Variants in ADAM10 observed in about 807,000 individuals in gnomAD.
ADAM10 encodes the protein ADAM metallopeptidase domain 10.
ADAM10 carries 17 observed loss-of-function variants against 90.1 expected under a neutral mutation model. That is an observed-to-expected ratio of 0.19 (90% CI 0.13 to 0.28). The LOEUF is 0.28. ADAM10 is among the 10% of genes least tolerant of loss of function. ADAM10 has a pLI of 1.00. For synonymous variants in ADAM10, 310 were observed against 298.6 expected, an observed-to-expected ratio of 1.04 and a Z score of -0.40; for missense variants, 610 against 914.3, an observed-to-expected ratio of 0.67 and a Z score of 4.29.
At chr15:58,714,336 G>A (rs1898583959) in intron 2 of ADAM10, among the ~76,000 whole-genome samples, 1 of 139,258 alleles carries the variant, frequency 7.2e-6, no homozygotes, top group African/African-American at 3.0e-5. Flanking sequence ...CAGAAGCTGT[G>A]CTACTACCCA....
At chr15:58,673,116 G>A (rs1016360606) in intron 4 of ADAM10, among the ~76,000 whole-genome samples, 4 of 152,074 alleles carry the variant, frequency 2.6e-5, no homozygotes, top group Non-Finnish European at 5.9e-5. Flanking sequence ...ACAGTCAGTT[G>A]ATGAGAGAGC....
At chr15:58,717,779 T>C (rs747705427) in intron 1 of ADAM10, 52 bp from the exon 2 acceptor site, 5 of 1,581,750 alleles carry the variant, frequency 3.2e-6, no homozygotes, top group African/African-American at 2.7e-5. Context: ...AGACCCCTTC[T>C]AGTTCTAACA....
rs1894866755 is a variant in ADAM10 at position 58,593,180 on chromosome 15, TTTTTTTTTTTTTTTTTTG to T, written c.*4349_*4366del. 1.5e-5 allele frequency: 1 copy of T among 65,878 alleles called. No individual in the cohort carries two copies. Among genetic ancestry groups the T allele is most frequent in the Non-Finnish European group, 3.0e-5 (1 of 33,048 alleles). The allele number at this position is 65,878 out of a possible 1,614,324, so 4.1% of individuals were successfully genotyped here. A position where few individuals can be genotyped will look rare whatever the true frequency, so the allele number is the denominator to read the frequency against. Reference sequence around the variant, plus strand: ...TTTTTTTTTTTTTTTTTTTTTTTTTTTTTTTTTTTTTTTTTTTGAGACAGAGTCTCGCTCTGTCACCCA... The same window carrying T: ...TTTTTTTTTTTTTTTTTTTTTTTTTTAGACAGAGTCTCGCTCTGTCACCCA... On this transcript the variant is annotated 3_prime_UTR_variant, in exon 16 of 16. Coordinates refer to ENST00000260408, the MANE Select transcript of ADAM10 (RefSeq NM_001110.4).
chr15:58,731,389 C>T (rs528474045), intron 1 of ADAM10, among the ~76,000 whole-genome samples: 5 of 151,996 alleles, frequency 3.3e-5, no homozygotes, highest in Admixed American at 2.0e-4. Context: ...GGGGCCGAGG[C>T]GGGCAGATCG....
At chr15:58,725,001 G>A (rs1267239030) in intron 1 of ADAM10, among the ~76,000 whole-genome samples, 2 of 151,536 alleles carry the variant, frequency 1.3e-5, no homozygotes, top group Non-Finnish European at 2.9e-5. Context: ...GACGAGCCTG[G>A]GCAACATGAC....
intron 1 of ADAM10, among the ~76,000 whole-genome samples, chr15:58,717,992 A>G (rs1264515937): frequency 6.6e-6 from 1 of 152,054 alleles, no homozygotes; most frequent in Admixed American, 6.6e-5. Flanking sequence ...TTCTATTCAC[A>G]TTTTGCTGAT....
rs142448889 is a variant in ADAM10, at chr15:58,727,581, C to T, written c.56-9854G>A. Among the ~76,000 whole-genome samples the T allele has an allele frequency of 8.9e-4, 135 of 152,274 alleles. 2 individuals carry two copies. The East Asian group carries it at 0.022, about 25-fold the overall frequency. On this transcript the variant is annotated intron_variant, in intron 1 of 15. Coordinates refer to ENST00000260408, the MANE Select transcript of ADAM10 (RefSeq NM_001110.4). ...ACCTGGTATTAAGTAATCCTACTGG[C>T]TTGGCCTCCCGAAGTTCTGGGATTA...
intron 10 of ADAM10, among the ~76,000 whole-genome samples, chr15:58,624,372 GTAA>G (rs1395224377): frequency 6.6e-6 from 1 of 152,070 alleles, no homozygotes; most frequent in Admixed American, 6.5e-5. Context: ...TACAAGTCTA[GTAA>G]TAATTTTATA....
chr15:58,595,006 T>G lies in ADAM10; in HGVS notation c.*2541A>C, dbSNP rs1401191525. The G allele has an allele frequency of 1.3e-5, 2 of 152,178 alleles. No individual in the cohort carries two copies. The highest frequency in any genetic ancestry group is 2.9e-5 in the Non-Finnish European group (2 of 68,006). The allele number at this position is 152,178 out of a possible 1,614,324, so 9.4% of individuals were successfully genotyped here. The stretch of plus-strand genomic sequence containing the variant: ...ATGTCAATTCTCTCCTTATTTGCTA[T>G]GAAGAGAAAAATGATGGCTCAAAAT... On this transcript the variant is annotated 3_prime_UTR_variant, in exon 16 of 16. Transcript: ENST00000260408.
At chr15:58,663,343 G>C (rs1353682483) in intron 5 of ADAM10, among the ~76,000 whole-genome samples, 1 of 152,086 alleles carries the variant, frequency 6.6e-6, no homozygotes, top group African/African-American at 2.4e-5. Flanking sequence ...ACTAATTTGA[G>C]ATTGCATCTC....
At chr15:58,624,627 G>A (rs909488471) in intron 10 of ADAM10, among the ~76,000 whole-genome samples, 3 of 152,134 alleles carry the variant, frequency 2.0e-5, no homozygotes, top group Admixed American at 6.5e-5. Flanking sequence ...CAACTCCTGG[G>A]TTCAAGCAAT....
intron 4 of ADAM10, chr15:58,676,005 A>G: frequency 5.5e-6 from 1 of 180,896 alleles, no homozygotes; most frequent in Non-Finnish European, 1.2e-5. Context: ...ACTTAAACCA[A>G]TTATATAAAA....
intron 2 of ADAM10, among the ~76,000 whole-genome samples, chr15:58,701,028 A>C (rs1456474037): frequency 6.6e-6 from 1 of 151,296 alleles, no homozygotes; most frequent in Non-Finnish European, 1.5e-5. Flanking sequence ...AAAACAAAAA[A>C]AAAAAAACAG....
chr15:58,735,132 A>G (rs1217897971), intron 1 of ADAM10, among the ~76,000 whole-genome samples: 3 of 152,210 alleles, frequency 2.0e-5, no homozygotes, highest in African/African-American at 7.2e-5. Flanking sequence ...CTCTATCTGA[A>G]CACAGCTTGG....
chr15:58,691,700 T>A (rs1897809621), intron 2 of ADAM10: 1 of 334,514 alleles, frequency 3.0e-6, no homozygotes. Flanking sequence ...TTTTTTTTTT[T>A]TGAGACAGAG....
Position 58,595,664 on chromosome 15 carries a change from T to A in ADAM10, c.*1883A>T, listed in dbSNP as rs183255741. The A allele has an allele frequency of 1.5e-3, 231 of 152,162 alleles. 1 individual carries two copies. The highest frequency in any genetic ancestry group is 5.2e-3 in the African/African-American group (215 of 41,552). The allele number at this position is 152,162 out of a possible 1,614,324, so 9.4% of individuals were successfully genotyped here. A position where few individuals can be genotyped will look rare whatever the true frequency, so the allele number is the denominator to read the frequency against. ...CATTTAACTTAGACTCAAAATAAAA[T>A]AGGGCAGTGTGTGTACCTGCCAAAA... On this transcript the variant is annotated 3_prime_UTR_variant, in exon 16 of 16. Transcript: ENST00000260408.
At chr15:58,737,581 G>A (rs1319066769) in intron 1 of ADAM10, among the ~76,000 whole-genome samples, 2 of 152,014 alleles carry the variant, frequency 1.3e-5, no homozygotes, top group African/African-American at 2.4e-5. Context: ...ATAACAACAC[G>A]TATCTCATAG....
rs532583148 is a variant in ADAM10 at position 58,726,263 on chromosome 15, G to A, written c.56-8536C>T. 4.6e-5 allele frequency among the ~76,000 whole-genome samples: 7 copies of A among 152,072 alleles called. No individual in the cohort carries two copies. The East Asian group carries it at 1.4e-3, about 29-fold the overall frequency. Reference sequence around the variant, plus strand: ...GAACAACCTCTAAAAAATACAACAGGTATATCATCATAAAGCCAATAGCAG... The same window carrying A: ...GAACAACCTCTAAAAAATACAACAGATATATCATCATAAAGCCAATAGCAG... On this transcript the variant is annotated intron_variant, in intron 1 of 15. Transcript: ENST00000260408.
intron 15 of ADAM10, among the ~76,000 whole-genome samples, chr15:58,598,376 G>T (rs1318594104): frequency 6.6e-6 from 1 of 152,140 alleles, no homozygotes; most frequent in Non-Finnish European, 1.5e-5. Context: ...ATAAGTTCCA[G>T]AGTGCTAACT....
Sources: allele counts gnomAD v4.1 joint callset (sites outside exome capture counted in the v4.1 genomes callset), GRCh38; gene constraint gnomAD v4.1.1; transcripts MANE v1.5; gene names NCBI Gene and HGNC (gene_info 2026-07-23, HGNC 2026-07-21).